The following LDHAL6A variants were observed in gnomAD, a reference collection of about 807,000 sequenced individuals.
LDHAL6A encodes the protein L-lactate dehydrogenase A-like 6A.
In LDHAL6A, 19 loss-of-function variants were observed where a neutral mutation model predicts 28.2. That is an observed-to-expected ratio of 0.67 (90% CI 0.47 to 0.99). The LOEUF (loss-of-function observed/expected upper bound fraction) is 0.99, where lower values mean the gene tolerates loss of function less well. Among genes scored for constraint, LDHAL6A ranks in the 50% least tolerant of loss-of-function variants. LDHAL6A has a pLI of 0.00. For synonymous variants in LDHAL6A, 144 were observed against 134.4 expected (o/e 1.07, Z -0.49); for missense variants, 372 against 398.6 (o/e 0.93, Z 0.57).
chr11:18,468,034 TATAC>T (rs1180880618), intron 3 of LDHAL6A, among the ~76,000 whole-genome samples: 2 of 15,006 alleles, frequency 1.3e-4, no homozygotes, highest in Admixed American at 1.3e-3. Flanking sequence ...CGTATATATA[TATAC>T]ATATATATAC....
intron 3 of LDHAL6A, among the ~76,000 whole-genome samples, chr11:18,467,922 C>CAT (rs1383348918): frequency 1.1e-4 from 5 of 46,526 alleles, no homozygotes; most frequent in Non-Finnish European, 1.8e-4. Context: ...TATATATACA[C>CAT]ACACATATAT....
At chr11:18,463,243 A>T (rs138808730) in intron 1 of LDHAL6A, among the ~76,000 whole-genome samples, 88 of 152,208 alleles carry the variant, frequency 5.8e-4, no homozygotes, top group African/African-American at 2.1e-3. Context: ...TAATCTATGG[A>T]TGAATGGGTT....
intron 1 of LDHAL6A, among the ~76,000 whole-genome samples, chr11:18,457,711 C>T (rs1326160809): frequency 6.6e-6 from 1 of 152,250 alleles, no homozygotes; most frequent in South Asian, 2.1e-4. Context: ...ATCTGTGACT[C>T]ATTGATTGTT....
At chr11:18,465,484 T>A (rs1162473261) in intron 2 of LDHAL6A, among the ~76,000 whole-genome samples, 153 bp from the exon 3 acceptor site, 1 of 151,604 alleles carries the variant, frequency 6.6e-6, no homozygotes, top group African/African-American at 2.4e-5. Flanking sequence ...AGTGCTAATT[T>A]CCTGAAATTA....
chr11:18,478,561 A>G (rs1849451604), intron 6 of LDHAL6A, 145 bp from the exon 7 acceptor site: 8 of 595,886 alleles, frequency 1.3e-5, no homozygotes, highest in Non-Finnish European at 2.2e-5. Flanking sequence ...GTCCGTCTCA[A>G]AAAAAAAAGA....
rs1849467682 is a variant in LDHAL6A at position 18,478,985 on chromosome 11, T to C, written c.*115T>C. 1 of 892,508 alleles carries C rather than the reference T, an allele frequency of 1.1e-6. No individual in the cohort carries two copies. Among genetic ancestry groups the C allele is most frequent in the Admixed American group, 2.4e-5 (1 of 41,776 alleles). 55.3% of individuals were successfully genotyped at this position (892,508 alleles called of 1,614,324 possible). ...AAAGTTGGAAAAATAGAGGAAAGAG[T>C]GACCTATTTAGTATAGCCTTCCAGC... On this transcript the variant is annotated 3_prime_UTR_variant, in exon 7 of 7. Transcript: ENST00000280706.
At chr11:18,467,015 G>A (rs1011213653) in intron 3 of LDHAL6A, among the ~76,000 whole-genome samples, 1 of 152,206 alleles carries the variant, frequency 6.6e-6, no homozygotes, top group African/African-American at 2.4e-5. Context: ...GTGGGAGTCA[G>A]TGAGGGAAGG....
chr11:18,477,753 T>G lies in LDHAL6A; in HGVS notation c.834+10T>G, dbSNP rs373301173. 51 of 1,585,736 alleles carry G rather than the reference T, an allele frequency of 3.2e-5. No homozygotes were observed. Among genetic ancestry groups the G allele is most frequent in the Non-Finnish European group, 4.3e-5 (50 of 1,169,784 alleles). ...TTCTACCCTAAGTAAGGTAGGACAT[T>G]CATGTTCGAAAAATCATTAACTCAA... On this transcript the variant is annotated intron_variant, in intron 6 of 6. Coordinates refer to ENST00000280706, the MANE Select transcript of LDHAL6A (RefSeq NM_144972.5).
intron 3 of LDHAL6A, among the ~76,000 whole-genome samples, chr11:18,466,812 T>C (rs2133874341): frequency 6.6e-6 from 1 of 152,316 alleles, no homozygotes; most frequent in East Asian, 1.9e-4. Flanking sequence ...AAAATTGTAC[T>C]AGACTCCTCA....
intron 1 of LDHAL6A, among the ~76,000 whole-genome samples, chr11:18,462,655 CA>C (rs71047600): frequency 1.7e-4 from 18 of 105,516 alleles, no homozygotes; most frequent in Admixed American, 4.8e-4. Flanking sequence ...AACAAACAAA[CA>C]AAAAAAAAAA....
intron 3 of LDHAL6A, among the ~76,000 whole-genome samples, chr11:18,467,936 T>C (rs558756120): frequency 0.036 from 2,305 of 64,890 alleles, 303 homozygotes; most frequent in African/African-American, 0.095. Flanking sequence ...CATATATATA[T>C]ACACACACAT....
chr11:18,470,787 A>T (rs1462518515), intron 3 of LDHAL6A, among the ~76,000 whole-genome samples: 1 of 151,996 alleles, frequency 6.6e-6, no homozygotes, highest in African/African-American at 2.4e-5. Flanking sequence ...CCCGGGTTCA[A>T]GCAATTCTCC....
At chr11:18,469,261 A>G in intron 3 of LDHAL6A, 1 of 586,870 alleles carries the variant, frequency 1.7e-6, no homozygotes, top group South Asian at 2.1e-5. Context: ...GTGTTAAGTG[A>G]ATCCCCAACC....
chr11:18,470,399 G>C (rs539650269), intron 3 of LDHAL6A, among the ~76,000 whole-genome samples: 2 of 152,266 alleles, frequency 1.3e-5, no homozygotes, highest in Non-Finnish European at 2.9e-5. Context: ...TGTAGTAAAG[G>C]CTTCACACAT....
At chr11:18,467,974 TATATACGTATATATATGC>T (rs1365312356) in intron 3 of LDHAL6A, among the ~76,000 whole-genome samples, 13 of 43,830 alleles carry the variant, frequency 3.0e-4, no homozygotes, top group African/African-American at 1.0e-3. Flanking sequence ...TATACGTATA[TATATACGTATATATATGC>T]ATATATATAC....
At chr11:18,457,891 A>C (rs1848798735) in intron 1 of LDHAL6A, among the ~76,000 whole-genome samples, 3 of 152,230 alleles carry the variant, frequency 2.0e-5, no homozygotes, top group Admixed American at 6.5e-5. Flanking sequence ...TGCATTATCC[A>C]ATATTACAAC....
intron 4 of LDHAL6A, 91 bp downstream of exon 4, chr11:18,475,730 A>G (rs1211289165): frequency 8.8e-7 from 1 of 1,139,094 alleles, no homozygotes; most frequent in South Asian, 1.9e-5. Context: ...GGAGGGGAGA[A>G]AAGACTTTAT....
chr11:18,478,703 C>T lies in LDHAL6A; in HGVS notation c.835-3C>T. ...GGAATAATTTTTAAGTCTTTACTTTCAGGGCCTCTATGGAATAAATGAAGA... is the reference window on the plus strand; with the variant it reads ...GGAATAATTTTTAAGTCTTTACTTTTAGGGCCTCTATGGAATAAATGAAGA... On this transcript the variant is annotated splice_polypyrimidine_tract_variant and splice_region_variant and intron_variant, in intron 6 of 6. Transcript: ENST00000280706. 2 of 1,600,808 alleles carry T rather than the reference C, an allele frequency of 1.2e-6. No homozygotes were observed. Among genetic ancestry groups the T allele is most frequent in the Non-Finnish European group, 1.7e-6 (2 of 1,174,662 alleles).
chr11:18,457,281 G>T (rs1848784584), intron 1 of LDHAL6A, among the ~76,000 whole-genome samples: 1 of 151,984 alleles, frequency 6.6e-6, no homozygotes, highest in Admixed American at 6.6e-5. Flanking sequence ...TTAGTGTTTA[G>T]CTGTTCTTAG....
Sources: gnomAD v4.1 joint callset for allele counts (sites outside exome capture counted in the v4.1 genomes callset) on GRCh38, gnomAD v4.1.1 for gene constraint, MANE v1.5 for transcripts, NCBI Gene and HGNC (gene_info 2026-07-23, HGNC 2026-07-21) for gene names.